The following ADSS2 variants were observed in gnomAD, a reference collection of about 807,000 sequenced individuals.
ADSS2 encodes the protein adenylosuccinate synthase 2, also known as adenylosuccinate synthetase isozyme 2.
ADSS2 carries 30 observed loss-of-function variants against 60.0 expected under a neutral mutation model. That is an observed-to-expected ratio of 0.50 (90% confidence interval 0.37 to 0.68). The LOEUF is 0.68. ADSS2 is among the 30% of genes least tolerant of loss of function. The probability of loss-of-function intolerance (pLI) is 0.00; values close to 1 mark genes in which losing one functional copy is unlikely to be tolerated. For missense variants in ADSS2, 373 were observed against 554.8 expected, an observed-to-expected ratio of 0.67 and a Z score of 3.29; for synonymous variants, 187 against 193.1, an observed-to-expected ratio of 0.97 and a Z score of 0.26.
At chr1:244,442,968 G>A (rs1665283564) in intron 1 of ADSS2, among the ~76,000 whole-genome samples, 1 of 151,968 alleles carries the variant, frequency 6.6e-6, no homozygotes, top group Non-Finnish European at 1.5e-5. Flanking sequence ...TTTCAAATAC[G>A]AGCACCCCCT....
chr1:244,438,861 GTATC>G (rs1294566743), intron 1 of ADSS2, among the ~76,000 whole-genome samples: 1 of 151,998 alleles, frequency 6.6e-6, no homozygotes, highest in African/African-American at 2.4e-5. Context: ...GGTAAATATG[GTATC>G]TATCACCTCA....
chr1:244,445,505 G>A (rs759549520), intron 1 of ADSS2, among the ~76,000 whole-genome samples: 10 of 151,996 alleles, frequency 6.6e-5, no homozygotes, highest in Non-Finnish European at 1.2e-4. Flanking sequence ...TAAGGAAGTC[G>A]GAAGACAAGT....
intron 10 of ADSS2, 150 bp from the exon 11 acceptor site, chr1:244,416,228 G>A (rs1383997225): frequency 4.4e-5 from 27 of 612,440 alleles, no homozygotes; most frequent in East Asian, 1.4e-4. Flanking sequence ...ATTTTAAAGC[G>A]TGCCACACAT....
In ADSS2 at chr1:244,423,947, A is replaced by AC. The variant is rs1342681630; in HGVS notation, c.581+5_581+6insG. ...TTCCTTCCATTTTGAAACACAAGTTAGTTACCTCTCAGAGAAGCCATCAAA... is the reference window on the plus strand; with the variant it reads ...TTCCTTCCATTTTGAAACACAAGTTACGTTACCTCTCAGAGAAGCCATCAAA... On this transcript the variant is annotated splice_donor_region_variant and intron_variant, in intron 6 of 12. Coordinates refer to ENST00000366535, the MANE Select transcript of ADSS2 (RefSeq NM_001126.5). The AC allele has an allele frequency of 1.2e-6, 2 of 1,601,550 alleles. No homozygotes were observed. The highest frequency in any genetic ancestry group is 2.7e-5 in the African/African-American group (2 of 74,338).
chr1:244,425,506 A>G (rs979763786), intron 4 of ADSS2, among the ~76,000 whole-genome samples: 1 of 152,194 alleles, frequency 6.6e-6, no homozygotes, highest in African/African-American at 2.4e-5. Flanking sequence ...CTATTAGAAG[A>G]CTGATACTGA....
chr1:244,440,347 C>A (rs1665206207), intron 1 of ADSS2, among the ~76,000 whole-genome samples: 1 of 152,092 alleles, frequency 6.6e-6, no homozygotes, highest in Non-Finnish European at 1.5e-5. Context: ...TAAAAAAAAT[C>A]TTCAAAAAGC....
rs1238236444 is a variant in ADSS2 at position 244,412,295 on chromosome 1, C to T, written c.1169-859G>A. ...TCCCACTCCCTCACAGATGTTGTTG[C>T]TCAGTGCACTTATGAGCTAACCCGC... On this transcript the variant is annotated intron_variant, in intron 11 of 12. Transcript: ENST00000366535. Among the ~76,000 whole-genome samples, 8 of 152,234 alleles carry T rather than the reference C, an allele frequency of 5.3e-5. No homozygotes were observed. The South Asian group carries it at 1.4e-3, about 28-fold the overall frequency.
chr1:244,414,684 G>A (rs773487527), intron 11 of ADSS2, among the ~76,000 whole-genome samples: 42 of 152,232 alleles, frequency 2.8e-4, no homozygotes, highest in Non-Finnish European at 5.0e-4. Context: ...CCAGAAGGCT[G>A]TCAACTTATT....
chr1:244,411,676 T>G (rs1664421826), intron 11 of ADSS2, among the ~76,000 whole-genome samples: 1 of 152,222 alleles, frequency 6.6e-6, no homozygotes, highest in African/African-American at 2.4e-5. Context: ...AGGATAAAGA[T>G]TATGTAATAC....
Position 244,451,763 on chromosome 1 carries a change from C to T in ADSS2, c.55G>A (p.Gly19Ser), listed in dbSNP as rs1321025390. The stretch of plus-strand genomic sequence containing the variant: ...CCTCCGGGCCGCGCCCTGGGGCGGC[C>T]GCAATCGCCGTTGGGCAGGGAGGAT... Reference protein sequence around the residue: ...AASSLPNGDCGRPRARPGGNR... With the variant: ...AASSLPNGDCSRPRARPGGNR... The change falls in exon 1 of 13, where the codon GGC becomes AGC. Residue 19 changes from glycine to serine, a missense_variant. Gly to Ser is a moderately conservative substitution (Grantham distance 56). This residue lies in a region of ADSS2 where 47 missense variants were observed against 48.3 expected (regional missense o/e 0.97). Coordinates refer to ENST00000366535, the MANE Select transcript of ADSS2 (RefSeq NM_001126.5). The surrounding 1 kb of genome is among the most constrained non-coding windows in gnomAD (Gnocchi z 6.6). 6.2e-7 allele frequency: 1 copy of T among 1,600,480 alleles called. No homozygotes were observed. The highest frequency in any genetic ancestry group is 1.7e-5 in the Admixed American group (1 of 58,402).
At chr1:244,442,219 T>C (rs927848072) in intron 1 of ADSS2, among the ~76,000 whole-genome samples, 1 of 149,656 alleles carries the variant, frequency 6.7e-6, no homozygotes, top group Admixed American at 6.8e-5. Flanking sequence ...GAATTAACCA[T>C]AATAAAGAGA....
chr1:244,425,207 T>C (rs1664776859), intron 4 of ADSS2, among the ~76,000 whole-genome samples: 1 of 152,194 alleles, frequency 6.6e-6, no homozygotes, highest in Non-Finnish European at 1.5e-5. Context: ...AAATAGATGG[T>C]TTATAGAAGA....
chr1:244,409,513 G>C lies in ADSS2; in HGVS notation c.*73C>G. The C allele has an allele frequency of 8.4e-7, 1 of 1,190,014 alleles. No individual in the cohort carries two copies. The highest frequency in any genetic ancestry group is 1.2e-6 in the Non-Finnish European group (1 of 810,602). The allele number at this position is 1,190,014 out of a possible 1,614,324, so 73.7% of individuals were successfully genotyped here. On this transcript the variant is annotated 3_prime_UTR_variant, in exon 13 of 13. Coordinates refer to ENST00000366535, the MANE Select transcript of ADSS2 (RefSeq NM_001126.5). ...AGTGTCTTTATTCTTGAATTTGCAG[G>C]TCATAAATGAAATATTTAAGAAAGT...
At chr1:244,419,914 A>C (rs978904595) in intron 8 of ADSS2, among the ~76,000 whole-genome samples, 2 of 152,180 alleles carry the variant, frequency 1.3e-5, no homozygotes, top group Admixed American at 6.5e-5. Context: ...GAAAACCACA[A>C]TTTACAGAAC....
At chr1:244,447,114 A>G (rs1382103356) in intron 1 of ADSS2, among the ~76,000 whole-genome samples, 2 of 152,220 alleles carry the variant, frequency 1.3e-5, no homozygotes, top group Non-Finnish European at 2.9e-5. Flanking sequence ...TCAGCAGGCA[A>G]TACTGAATGT....
chr1:244,444,334 T>C (rs1272379091), intron 1 of ADSS2, among the ~76,000 whole-genome samples: 1 of 148,738 alleles, frequency 6.7e-6, no homozygotes, highest in African/African-American at 2.5e-5. Flanking sequence ...GCTAAAACGG[T>C]GAAACCCCGT....
chr1:244,446,560 AATG>A (rs1332662041), intron 1 of ADSS2, among the ~76,000 whole-genome samples: 2 of 152,228 alleles, frequency 1.3e-5, no homozygotes, highest in African/African-American at 4.8e-5. Context: ...AAATGTCACA[AATG>A]ATGAAAACCT....
intron 9 of ADSS2, 47 bp from the exon 10 acceptor site, chr1:244,417,799 A>G (rs376701059): frequency 1.0e-5 from 16 of 1,571,640 alleles, no homozygotes; most frequent in East Asian, 4.5e-5. Flanking sequence ...GCAGTGCTAT[A>G]TATCTGGTGG....
chr1:244,431,395 TAATA>T (rs1664941417), intron 4 of ADSS2, among the ~76,000 whole-genome samples: 1 of 152,188 alleles, frequency 6.6e-6, no homozygotes, highest in African/African-American at 2.4e-5. Flanking sequence ...TCTATGCCAT[TAATA>T]ATTCTGGAAA....
Sources: allele counts gnomAD v4.1 joint callset (sites outside exome capture counted in the v4.1 genomes callset), GRCh38; gene constraint gnomAD v4.1.1; regional missense constraint gnomAD v4.1.1; non-coding constraint Gnocchi (gnomAD v3.1); transcripts MANE v1.5; gene names NCBI Gene and HGNC (gene_info 2026-07-23, HGNC 2026-07-21).